The following ZEB1 variants were observed in gnomAD, a reference collection of about 807,000 sequenced individuals.
ZEB1 encodes zinc finger E-box binding homeobox 1.
A neutral mutation model predicts 84.9 loss-of-function variants in ZEB1; 21 were observed. The ratio of observed to expected loss-of-function variants is 0.25; its 90% confidence interval spans 0.18 to 0.36. ZEB1 has a LOEUF of 0.36. Among genes scored for constraint, ZEB1 ranks in the 10% least tolerant of loss-of-function variants. The probability of loss-of-function intolerance (pLI) is 1.00; values close to 1 mark genes in which losing one functional copy is unlikely to be tolerated. For synonymous variants in ZEB1, 420 were observed against 471.1 expected, an observed-to-expected ratio of 0.89 and a Z score of 1.41; for missense variants, 1,104 against 1,330.2, an observed-to-expected ratio of 0.83 and a Z score of 2.65.
chr10:31,505,787 C>T (rs1385507495), intron 4 of ZEB1, among the ~76,000 whole-genome samples: 2 of 151,702 alleles, frequency 1.3e-5, no homozygotes, highest in Non-Finnish European at 2.9e-5. Context: ...CTTCTTAAAT[C>T]CTAATTTAGG....
intron 3 of ZEB1, among the ~76,000 whole-genome samples, chr10:31,499,760 A>G (rs755270418): frequency 2.8e-4 from 42 of 152,034 alleles, no homozygotes; most frequent in Non-Finnish European, 5.4e-4. Context: ...AGCGAAACTC[A>G]TTCTCAAAAA....
intron 1 of ZEB1, among the ~76,000 whole-genome samples, chr10:31,326,701 C>G (rs1169016201): frequency 6.6e-6 from 1 of 152,132 alleles, no homozygotes; most frequent in East Asian, 1.9e-4. Flanking sequence ...CGGTAACAAG[C>G]AAGAACTAGA....
At chr10:31,340,389 G>GT (rs1210476833) in intron 1 of ZEB1, among the ~76,000 whole-genome samples, 2 of 152,152 alleles carry the variant, frequency 1.3e-5, no homozygotes, top group Non-Finnish European at 2.9e-5. Flanking sequence ...ATAGAAATCT[G>GT]TTTTTTGTTG....
upstream of ZEB1, chr10:31,318,791 G>C (rs1230453066): frequency 4.5e-5 from 9 of 198,696 alleles, no homozygotes; most frequent in Non-Finnish European, 7.4e-5. Context: ...GCAGCTCCGA[G>C]GGCACAGGGT....
intron 1 of ZEB1, among the ~76,000 whole-genome samples, chr10:31,403,462 T>G (rs1358713119): frequency 6.6e-6 from 1 of 152,006 alleles, no homozygotes; most frequent in Non-Finnish European, 1.5e-5. Flanking sequence ...TTCAGTTTTC[T>G]GGCAGATTAA....
chr10:31,382,355 G>A (rs564396793), intron 1 of ZEB1, among the ~76,000 whole-genome samples: 1 of 152,092 alleles, frequency 6.6e-6, no homozygotes, highest in Non-Finnish European at 1.5e-5. Context: ...AATTAATACA[G>A]TTGTTTTCTT....
chr10:31,396,154 A>G (rs2050680967), intron 1 of ZEB1, among the ~76,000 whole-genome samples: 1 of 152,216 alleles, frequency 6.6e-6, no homozygotes, highest in South Asian at 2.1e-4. Context: ...ATTCAGGTTT[A>G]CATTGAGCAA....
intron 1 of ZEB1, among the ~76,000 whole-genome samples, chr10:31,377,003 C>CT (rs2134655466): frequency 6.6e-6 from 1 of 150,436 alleles, no homozygotes; most frequent in African/African-American, 2.4e-5. Flanking sequence ...CTCATCTAAG[C>CT]TTTGGGGCCT....
intron 2 of ZEB1, among the ~76,000 whole-genome samples, chr10:31,487,275 A>G (rs1420455585): frequency 2.0e-5 from 3 of 151,428 alleles, no homozygotes; most frequent in African/African-American, 2.4e-5. Flanking sequence ...TAATCTATTT[A>G]TATTAAAAAT....
Position 31,481,167 on chromosome 10 carries a change from C to G in ZEB1, c.260-14609C>G, listed in dbSNP as rs1016247111. 1.3e-4 allele frequency among the ~76,000 whole-genome samples: 20 copies of G among 152,024 alleles called. No homozygotes were observed. The East Asian group carries it at 2.5e-3, about 19-fold the overall frequency. On this transcript the variant is annotated intron_variant, in intron 2 of 8. Transcript: ENST00000424869. ...AGATAATAAGACCCAGATTTCTCAC[C>G]GTAAGATAAAAGGCTAGTGTGTTCA...
At chr10:31,517,864 A>T (rs561824591) in intron 6 of ZEB1, among the ~76,000 whole-genome samples, 3 of 152,220 alleles carry the variant, frequency 2.0e-5, no homozygotes, top group African/African-American at 7.2e-5. Context: ...CCTATGGAGT[A>T]GGTTTTATTA....
At chr10:31,445,194 ACT>A (rs1254723262) in intron 1 of ZEB1, among the ~76,000 whole-genome samples, 2 of 145,520 alleles carry the variant, frequency 1.4e-5, no homozygotes, top group African/African-American at 5.7e-5. Flanking sequence ...ATGGGAGTTC[ACT>A]CATGATTTGG....
At chr10:31,331,309 A>G (rs1242991317) in intron 1 of ZEB1, among the ~76,000 whole-genome samples, 1 of 151,888 alleles carries the variant, frequency 6.6e-6, no homozygotes. Context: ...GATGGTCTCC[A>G]TCTCCTGACA....
rs188052215 is a variant in ZEB1, at chr10:31,441,852, A to T, written c.59-19185A>T. Among the ~76,000 whole-genome samples the T allele has an allele frequency of 6.8e-3, 1,035 of 152,342 alleles. 12 individuals are homozygous for T. The highest frequency in any genetic ancestry group is 0.023 in the African/African-American group (938 of 41,582). Reference sequence around the variant, plus strand: ...TCAGAGAAATGCAAATCAAAACCACAATGAGATACCATTTCACACCAGTTA... The same window carrying T: ...TCAGAGAAATGCAAATCAAAACCACTATGAGATACCATTTCACACCAGTTA... On this transcript the variant is annotated intron_variant, in intron 1 of 8. Coordinates refer to ENST00000424869, the MANE Select transcript of ZEB1 (RefSeq NM_001174096.2).
At chr10:31,452,742 T>TGTGA (rs1387786622) in intron 1 of ZEB1, among the ~76,000 whole-genome samples, 3,591 of 90,482 alleles carry the variant, frequency 0.04, 98 homozygotes, top group Non-Finnish European at 0.053. Context: ...TGTGTGTGTG[T>TGTGA]GAGAGAGAGA....
At chr10:31,361,471 G>A (rs972680298) in intron 1 of ZEB1, among the ~76,000 whole-genome samples, 4 of 152,208 alleles carry the variant, frequency 2.6e-5, no homozygotes, top group Admixed American at 2.6e-4. Flanking sequence ...AACCTGGGGA[G>A]GGCAGAAAGA....
intron 1 of ZEB1, among the ~76,000 whole-genome samples, chr10:31,407,010 G>A (rs1043070305): frequency 2.6e-5 from 4 of 151,950 alleles, no homozygotes; most frequent in Non-Finnish European, 5.9e-5. Flanking sequence ...TTGTAGATGT[G>A]TGGTGTTATT....
intron 1 of ZEB1, among the ~76,000 whole-genome samples, chr10:31,441,072 G>C (rs1340798449): frequency 6.6e-6 from 1 of 151,996 alleles, no homozygotes; most frequent in Non-Finnish European, 1.5e-5. Flanking sequence ...AGTTCATATG[G>C]AACCAAAAAA....
intron 1 of ZEB1, among the ~76,000 whole-genome samples, chr10:31,417,645 C>T (rs991575503): frequency 6.6e-6 from 1 of 152,100 alleles, no homozygotes; most frequent in African/African-American, 2.4e-5. Context: ...CTAATATTTA[C>T]TGTCTTCCAT....
Sources: allele counts gnomAD v4.1 joint callset (sites outside exome capture counted in the v4.1 genomes callset), GRCh38; gene constraint gnomAD v4.1.1; transcripts MANE v1.5; gene names NCBI Gene and HGNC (gene_info 2026-07-23, HGNC 2026-07-21).